The following DGKH variants were observed in gnomAD, a reference collection of about 807,000 sequenced individuals.
DGKH encodes diacylglycerol kinase eta.
In DGKH, 90 loss-of-function variants were observed where a neutral mutation model predicts 159.3. The ratio of observed to expected loss-of-function variants is 0.57; its 90% CI spans 0.48 to 0.67. The LOEUF (loss-of-function observed/expected upper bound fraction) is 0.67, where lower values mean the gene tolerates loss of function less well. DGKH is among the 30% of genes least tolerant of loss of function. The pLI, the probability that DGKH is intolerant of heterozygous loss-of-function variation, is 0.00. For synonymous variants in DGKH, 536 were observed against 553.8 expected (o/e 0.97, Z 0.45); for missense variants, 1,181 against 1,506.1 (o/e 0.78, Z 3.57).
At chr13:42,068,929 GT>G in intron 1 of DGKH, 2 of 1,369,120 alleles carry the variant, frequency 1.5e-6, no homozygotes, top group Non-Finnish European at 2.0e-6. Flanking sequence ...TCTGCTGAGT[GT>G]TTTAGTTCAG....
chr13:42,207,872 G>A (rs898921392), intron 21 of DGKH, among the ~76,000 whole-genome samples: 1 of 151,932 alleles, frequency 6.6e-6, no homozygotes, highest in Non-Finnish European at 1.5e-5. Flanking sequence ...CAATTGGAAA[G>A]TATTTGTAAT....
chr13:42,219,786 C>G lies in DGKH; in HGVS notation c.3434C>G (p.Ser1145Ter). 3 of 1,613,198 alleles carry G rather than the reference C, an allele frequency of 1.9e-6. No homozygotes were observed. The highest frequency in any genetic ancestry group is 2.5e-6 in the Non-Finnish European group (3 of 1,179,464). Residue 1145 changes from serine to a stop codon, truncating the protein, a stop_gained, in exon 28 of 30, where the codon TCA becomes TGA. Coordinates refer to ENST00000337343, the MANE Select transcript of DGKH (RefSeq NM_178009.5). LOFTEE classifies it high-confidence loss of function. ...KEKVQKQKTS[S>*]QPVQKWGTEE... Reference sequence around the variant, plus strand: ...AAGGTTCAGAAGCAGAAGACAAGTTCACAGCCTGGTAGGTGGTCCATATGG... The same window carrying G: ...AAGGTTCAGAAGCAGAAGACAAGTTGACAGCCTGGTAGGTGGTCCATATGG...
At chr13:42,219,606 C>T in intron 27 of DGKH, 80 bp from the exon 28 acceptor site, 3 of 1,358,474 alleles carry the variant, frequency 2.2e-6, no homozygotes, top group Non-Finnish European at 2.0e-6. Flanking sequence ...TAACTTATTC[C>T]TGTGTTATCC....
At chr13:42,252,384 A>G (rs1309764840) in intron 29 of DGKH, 6 of 152,138 alleles carry the variant, frequency 3.9e-5, no homozygotes, top group Non-Finnish European at 8.8e-5. Context: ...ATTTTTCAAA[A>G]TAGAATTTTA....
chr13:42,155,850 A>G, intron 5 of DGKH, 51 bp downstream of exon 5: 1 of 1,595,790 alleles, frequency 6.3e-7, no homozygotes, highest in Non-Finnish European at 8.6e-7. Context: ...CATACTGTAG[A>G]CATGCTGCCA....
intron 12 of DGKH, among the ~76,000 whole-genome samples, chr13:42,177,592 A>G (rs1030856935): frequency 1.3e-5 from 2 of 152,194 alleles, no homozygotes; most frequent in African/African-American, 4.8e-5. Context: ...GTGAGAGTGT[A>G]TCAGTTTGCA....
At chr13:42,187,584 C>T (rs1236303358) in intron 14 of DGKH, among the ~76,000 whole-genome samples, 1 of 152,132 alleles carries the variant, frequency 6.6e-6, no homozygotes, top group African/African-American at 2.4e-5. Context: ...CCATGTTGGC[C>T]AGGCTGGTCT....
At chr13:42,090,767 T>A (rs1252478938) in intron 1 of DGKH, among the ~76,000 whole-genome samples, 1 of 152,210 alleles carries the variant, frequency 6.6e-6, no homozygotes, top group African/African-American at 2.4e-5. Context: ...ACATTGAAAC[T>A]AAATTGCCAG....
intron 1 of DGKH, among the ~76,000 whole-genome samples, chr13:42,065,718 T>A (rs1420214199): frequency 1.3e-5 from 2 of 151,996 alleles, no homozygotes; most frequent in African/African-American, 4.8e-5. Flanking sequence ...AGGAAATACT[T>A]GGGTGAGGAA....
chr13:42,244,186 G>A (rs986838662), downstream of DGKH, among the ~76,000 whole-genome samples: 1 of 152,174 alleles, frequency 6.6e-6, no homozygotes, highest in African/African-American at 2.4e-5. Flanking sequence ...AGAGAGGTAC[G>A]GGAGGGAAAT....
chr13:42,186,010 G>GGTGGTGGT lies in DGKH; in HGVS notation c.1539-1036_1539-1035insGTGGTGTG, dbSNP rs1224301794. 7.6e-5 allele frequency among the ~76,000 whole-genome samples: 10 copies of GGTGGTGGT among 132,390 alleles called. No homozygotes were observed. In the East Asian group the frequency reaches 2.1e-3, roughly 27 times the overall value. The allele number at this position is 132,390 out of a possible 152,430, so 86.9% of individuals were successfully genotyped here. A position where few individuals can be genotyped will look rare whatever the true frequency, so the allele number is the denominator to read the frequency against. Reference sequence around the variant, plus strand: ...TTGGGGGAGGAGTGGTGGTGGTGGTGGTGTGTGTGTGTGTGTGTGTGTGTG... The same window carrying GGTGGTGGT: ...TTGGGGGAGGAGTGGTGGTGGTGGTGGTGGTGGTGTGTGTGTGTGTGTGTGTGTGTGTG... On this transcript the variant is annotated intron_variant, in intron 13 of 29. Transcript: ENST00000337343.
At chr13:42,085,026 T>C (rs1342380104) in intron 1 of DGKH, among the ~76,000 whole-genome samples, 1 of 152,162 alleles carries the variant, frequency 6.6e-6, no homozygotes, top group Non-Finnish European at 1.5e-5. Flanking sequence ...CTTTTAAACA[T>C]GAAGCAGTTG....
chr13:42,053,342 C>T (rs369886166), intron 1 of DGKH, among the ~76,000 whole-genome samples: 2 of 148,198 alleles, frequency 1.3e-5, no homozygotes, highest in Non-Finnish European at 1.5e-5. Context: ...AATCTTACTA[C>T]TACTACTAAT....
chr13:42,173,347 G>A (rs75581827), intron 11 of DGKH, among the ~76,000 whole-genome samples: 201 of 152,272 alleles, frequency 1.3e-3, no homozygotes, highest in African/African-American at 4.5e-3. Flanking sequence ...TACTATTTTG[G>A]ATAGAAAACT....
At position 42,241,893 on chromosome 13, in the gene DGKH, T is replaced by G. The variant is rs2138327234; in HGVS notation, c.*12705T>G. The G allele has an allele frequency of 6.6e-6, 1 of 152,336 alleles. No homozygotes were observed. The highest frequency in any genetic ancestry group is 1.9e-4 in the East Asian group (1 of 5,190). 9.4% of individuals were successfully genotyped at this position (152,336 alleles called of 1,614,324 possible). On this transcript the variant is annotated 3_prime_UTR_variant, in exon 30 of 30. Transcript: ENST00000337343. Reference sequence around the variant, plus strand: ...TTTATGGATGGTTAGGCAATAGGGTTCCTTCATGAGAAGGAAAAAACTGTA... The same window carrying G: ...TTTATGGATGGTTAGGCAATAGGGTGCCTTCATGAGAAGGAAAAAACTGTA...
At chr13:42,049,186 G>T (rs1274980774) in intron 1 of DGKH, among the ~76,000 whole-genome samples, 2 of 130,986 alleles carry the variant, frequency 1.5e-5, no homozygotes, top group Non-Finnish European at 3.4e-5. Context: ...GCGGGGCGGG[G>T]AGGGGTGGGG....
chr13:42,141,185 G>A (rs1314479977), intron 3 of DGKH, among the ~76,000 whole-genome samples: 4 of 151,120 alleles, frequency 2.6e-5, no homozygotes, highest in Non-Finnish European at 5.9e-5. Flanking sequence ...AGTTTGCTGA[G>A]AATCATGGTT....
intron 2 of DGKH, among the ~76,000 whole-genome samples, chr13:42,128,193 C>G (rs1215603043): frequency 6.6e-6 from 1 of 152,020 alleles, no homozygotes; most frequent in African/African-American, 2.4e-5. Context: ...ACCATTGAAT[C>G]AAATAATAAT....
chr13:42,110,462 A>G (rs1459923565), intron 1 of DGKH, among the ~76,000 whole-genome samples: 1 of 152,216 alleles, frequency 6.6e-6, no homozygotes, highest in African/African-American at 2.4e-5. Flanking sequence ...AAATAGTTGC[A>G]TCATTGTGGC....
Sources: gnomAD v4.1 joint callset for allele counts (sites outside exome capture counted in the v4.1 genomes callset) on GRCh38, gnomAD v4.1.1 for gene constraint, MANE v1.5 for transcripts, NCBI Gene and HGNC (gene_info 2026-07-23, HGNC 2026-07-21) for gene names.